Variants in XIRP2 observed in about 807,000 individuals in gnomAD.
XIRP2 encodes the protein xin actin-binding repeat-containing protein 2.
A neutral mutation model predicts 277.0 loss-of-function variants in XIRP2; 236 were observed. That is an observed-to-expected ratio of 0.85 (90% confidence interval 0.77 to 0.95). The LOEUF (loss-of-function observed/expected upper bound fraction) is 0.95. Ranked by LOEUF, XIRP2 falls within the 40% of genes least tolerant of loss-of-function variation. The pLI is 0.00. For synonymous variants in XIRP2, 1,490 were observed against 1,416.5 expected (o/e 1.05, Z -1.17); for missense variants, 4,640 against 4,157.5 (o/e 1.12, Z -3.19).
Position 167,250,492 on chromosome 2 carries a change from A to G in XIRP2, c.9100A>G (p.Met3034Val), listed in dbSNP as rs1695449514. Residue 3034 changes from methionine to valine, a missense_variant, in exon 9 of 11, where the codon ATG (methionine) becomes GTG (valine). Transcript: ENST00000409195. ...VSYENIIQTA[M>V]MSSKTGKPGN... is the part of the protein sequence containing the mutation. Reference sequence around the variant, plus strand: ...CTATGAAAATATAATTCAGACAGCCATGATGTCCTCCAAAACAGGAAAACC... The same window carrying G: ...CTATGAAAATATAATTCAGACAGCCGTGATGTCCTCCAAAACAGGAAAACC... 1 of 1,613,648 alleles carries G rather than the reference A, an allele frequency of 6.2e-7. No individual in the cohort carries two copies. Among genetic ancestry groups the G allele is most frequent in the Non-Finnish European group, 8.5e-7 (1 of 1,179,722 alleles).
chr2:167,222,827 GT>G (rs1330831453), intron 5 of XIRP2, among the ~76,000 whole-genome samples: 1 of 151,936 alleles, frequency 6.6e-6, no homozygotes, highest in Non-Finnish European at 1.5e-5. Context: ...CCACTCTATG[GT>G]TTCTGTGTGG....
chr2:166,898,699 A>G (rs1684305156), intron 1 of XIRP2, among the ~76,000 whole-genome samples: 3 of 152,044 alleles, frequency 2.0e-5, no homozygotes, highest in Admixed American at 2.0e-4. Flanking sequence ...TGTAACCACC[A>G]CAGCAATCAA....
intron 5 of XIRP2, among the ~76,000 whole-genome samples, chr2:167,236,425 C>T (rs1694900836): frequency 6.6e-6 from 1 of 151,948 alleles, no homozygotes; most frequent in South Asian, 2.1e-4. Flanking sequence ...TGCATATCAA[C>T]AATAGATTTT....
intron 2 of XIRP2, among the ~76,000 whole-genome samples, chr2:167,015,841 T>C (rs933906363): frequency 6.6e-6 from 1 of 151,686 alleles, no homozygotes; most frequent in South Asian, 2.1e-4. Flanking sequence ...TCTCTGTATG[T>C]CCTCCCTAGG....
At chr2:167,030,779 C>T (rs756803466) in intron 2 of XIRP2, among the ~76,000 whole-genome samples, 2 of 151,918 alleles carry the variant, frequency 1.3e-5, no homozygotes, top group Non-Finnish European at 2.9e-5. Context: ...TGTCTAATAT[C>T]GACAGTGGGG....
chr2:166,967,591 A>G (rs1347768326), intron 2 of XIRP2, among the ~76,000 whole-genome samples: 1 of 151,918 alleles, frequency 6.6e-6, no homozygotes, highest in Admixed American at 6.6e-5. Context: ...AGCGAGACCT[A>G]CCTAATCTAT....
At chr2:166,922,975 G>A (rs569954894) in intron 2 of XIRP2, among the ~76,000 whole-genome samples, 4 of 151,462 alleles carry the variant, frequency 2.6e-5, no homozygotes, top group South Asian at 2.1e-4. Flanking sequence ...TAAAAACAAG[G>A]TTTGATCCTC....
rs574792598 is a variant in XIRP2, at chr2:167,051,337, AAC to A, written c.409-84568_409-84567del. On this transcript the variant is annotated intron_variant, in intron 2 of 10. Transcript: ENST00000409195. Reference sequence around the variant, plus strand: ...CATGGTAAATTCTTTGGTAATAGATAACACAGATTATGCATTTTGCATTGTGC... The same window carrying A: ...CATGGTAAATTCTTTGGTAATAGATAACAGATTATGCATTTTGCATTGTGC... Among the ~76,000 whole-genome samples the A allele has an allele frequency of 2.0e-3, 308 of 152,264 alleles. 1 individual carries two copies. The highest frequency in any genetic ancestry group is 3.8e-3 in the Non-Finnish European group (256 of 67,984).
chr2:167,001,113 A>G (rs1029777770), intron 2 of XIRP2, among the ~76,000 whole-genome samples: 5 of 152,188 alleles, frequency 3.3e-5, no homozygotes, highest in Admixed American at 3.3e-4. Flanking sequence ...ACAATTATAT[A>G]CTAAGTTCTT....
intron 5 of XIRP2, among the ~76,000 whole-genome samples, chr2:167,239,605 G>T (rs1050302778): frequency 1.3e-5 from 2 of 152,146 alleles, no homozygotes; most frequent in Admixed American, 6.5e-5. Context: ...AGAACAGAAT[G>T]CATGCTATCT....
intron 3 of XIRP2, among the ~76,000 whole-genome samples, chr2:167,148,508 G>A (rs951803852): frequency 1.3e-5 from 2 of 148,408 alleles, no homozygotes; most frequent in African/African-American, 2.5e-5. Context: ...AGGAAGGGAG[G>A]GAGGGAGGGA....
At chr2:166,947,049 TG>T in intron 2 of XIRP2, among the ~76,000 whole-genome samples, 1 of 152,320 alleles carries the variant, frequency 6.6e-6, no homozygotes, top group East Asian at 1.9e-4. Flanking sequence ...TCCATTGTTT[TG>T]TTTCAAATTT....
At chr2:167,080,814 C>G (rs1193571605) in intron 2 of XIRP2, among the ~76,000 whole-genome samples, 4 of 151,978 alleles carry the variant, frequency 2.6e-5, no homozygotes, top group African/African-American at 9.7e-5. Flanking sequence ...CCAATGGGTG[C>G]AATTTTTTAT....
At chr2:167,252,239 G>A (rs915183635) in intron 9 of XIRP2, among the ~76,000 whole-genome samples, 1 of 151,898 alleles carries the variant, frequency 6.6e-6, no homozygotes, top group African/African-American at 2.4e-5. Context: ...AAAGCAACAG[G>A]TATAGCAATA....
chr2:167,097,166 T>C (rs1350133934), intron 2 of XIRP2, among the ~76,000 whole-genome samples: 1 of 152,154 alleles, frequency 6.6e-6, no homozygotes, highest in African/African-American at 2.4e-5. Context: ...CCCACTGTTA[T>C]TGAGTGGGAG....
chr2:166,997,011 C>T (rs1435847685), intron 2 of XIRP2, among the ~76,000 whole-genome samples: 1 of 152,052 alleles, frequency 6.6e-6, no homozygotes, highest in Non-Finnish European at 1.5e-5. Flanking sequence ...ATGAACAGTC[C>T]TAGATATGAC....
intron 2 of XIRP2, among the ~76,000 whole-genome samples, chr2:167,129,600 G>T (rs911078408): frequency 6.6e-6 from 1 of 152,024 alleles, no homozygotes; most frequent in Non-Finnish European, 1.5e-5. Context: ...AAGTAAGAAA[G>T]AAAAATTATC....
chr2:166,986,973 T>G (rs1687023031), intron 2 of XIRP2, among the ~76,000 whole-genome samples: 1 of 152,214 alleles, frequency 6.6e-6, no homozygotes, highest in African/African-American at 2.4e-5. Context: ...TTTCACTTTA[T>G]TGTCAGGCAT....
intron 2 of XIRP2, among the ~76,000 whole-genome samples, chr2:167,077,446 G>A (rs1317527565): frequency 1.3e-5 from 2 of 151,680 alleles, no homozygotes; most frequent in Non-Finnish European, 2.9e-5. Flanking sequence ...AAAAAAAAAA[G>A]GCAAAATTCC....
Sources: gnomAD v4.1 joint callset for allele counts (sites outside exome capture counted in the v4.1 genomes callset) on GRCh38, gnomAD v4.1.1 for gene constraint, MANE v1.5 for transcripts, NCBI Gene and HGNC (gene_info 2026-07-23, HGNC 2026-07-21) for gene names.